THRB: variants seen among roughly 807,000 people sequenced by gnomAD.
THRB encodes thyroid hormone receptor beta.
THRB carries 12 observed loss-of-function variants against 47.8 expected under a neutral mutation model. That is an observed-to-expected ratio of 0.25 (90% confidence interval 0.16 to 0.41). The LOEUF is 0.41. Ranked by LOEUF, THRB falls within the 10% of genes least tolerant of loss-of-function variation. The pLI is 1.00. For synonymous variants in THRB, 218 were observed against 212.2 expected (o/e 1.03, Z -0.24); for missense variants, 348 against 589.2 (o/e 0.59, Z 4.24).
intron 2 of THRB, among the ~76,000 whole-genome samples, chr3:24,305,600 T>C (rs1559883223): frequency 1.3e-5 from 2 of 152,232 alleles, no homozygotes; most frequent in South Asian, 2.1e-4. Context: ...AGAAAAATTA[T>C]ATTTTCATTG....
chr3:24,390,946 G>A (rs999140693), intron 1 of THRB, among the ~76,000 whole-genome samples: 4 of 151,996 alleles, frequency 2.6e-5, no homozygotes, highest in Non-Finnish European at 4.4e-5. Flanking sequence ...GCAGATCTAA[G>A]GCAGCCCTGC....
intron 10 of THRB, among the ~76,000 whole-genome samples, chr3:24,127,165 A>G (rs551721104): frequency 6.6e-6 from 1 of 152,324 alleles, no homozygotes; most frequent in South Asian, 2.1e-4. Context: ...GGTCACTCAC[A>G]TCCATATCTG....
intron 3 of THRB, among the ~76,000 whole-genome samples, chr3:24,295,804 G>A (rs534995874): frequency 1.1e-4 from 16 of 152,266 alleles, no homozygotes; most frequent in Admixed American, 9.2e-4. Context: ...CAGCTGTCAG[G>A]TTCCCTATCT....
At chr3:24,302,235 T>G (rs2056994849) in intron 2 of THRB, among the ~76,000 whole-genome samples, 1 of 152,236 alleles carries the variant, frequency 6.6e-6, no homozygotes, top group Admixed American at 6.5e-5. Flanking sequence ...ACTGATCAAT[T>G]TGTTTACTCC....
chr3:24,441,862 G>A (rs540094528), intron 1 of THRB, among the ~76,000 whole-genome samples: 3 of 152,104 alleles, frequency 2.0e-5, no homozygotes, highest in South Asian at 2.1e-4. Context: ...AAAGACTTGA[G>A]CCCCTTCCCT....
intron 2 of THRB, among the ~76,000 whole-genome samples, chr3:24,320,070 C>G (rs1377933069): frequency 6.6e-6 from 1 of 152,170 alleles, no homozygotes; most frequent in African/African-American, 2.4e-5. Flanking sequence ...TACTTTCAGT[C>G]AAGTCATTGC....
intron 3 of THRB, among the ~76,000 whole-genome samples, chr3:24,280,161 G>T (rs931383097): frequency 2.6e-5 from 4 of 152,138 alleles, no homozygotes; most frequent in African/African-American, 9.7e-5. Flanking sequence ...CCTGAGCGAC[G>T]CAGAAGATGG....
At chr3:24,281,281 T>C (rs1395137084) in intron 3 of THRB, among the ~76,000 whole-genome samples, 1 of 151,800 alleles carries the variant, frequency 6.6e-6, no homozygotes, top group Non-Finnish European at 1.5e-5. Flanking sequence ...GGGGCCAATA[T>C]TCAACATTCT....
chr3:24,215,917 G>T (rs558490357), intron 4 of THRB, among the ~76,000 whole-genome samples: 6 of 152,282 alleles, frequency 3.9e-5, no homozygotes, highest in African/African-American at 1.4e-4. Context: ...GTCCATAAAT[G>T]ACCTTGACAA....
intron 1 of THRB, among the ~76,000 whole-genome samples, chr3:24,373,817 G>A (rs183529475): frequency 6.6e-6 from 1 of 152,020 alleles, no homozygotes; most frequent in Admixed American, 6.6e-5. Flanking sequence ...GCTAAGTCTT[G>A]GCCAATACCA....
intron 5 of THRB, among the ~76,000 whole-genome samples, chr3:24,184,598 A>G (rs1234126191): frequency 6.6e-6 from 1 of 151,966 alleles, no homozygotes; most frequent in African/African-American, 2.4e-5. Context: ...CTGCCCCAGT[A>G]TACGTATGGG....
chr3:24,469,141 C>T (rs1390514875), intron 1 of THRB, among the ~76,000 whole-genome samples: 1 of 152,162 alleles, frequency 6.6e-6, no homozygotes, highest in Non-Finnish European at 1.5e-5. Flanking sequence ...TCAGTAGACA[C>T]CCCAATTTAA....
At chr3:24,250,357 G>T (rs1235388516) in intron 3 of THRB, among the ~76,000 whole-genome samples, 1 of 152,086 alleles carries the variant, frequency 6.6e-6, no homozygotes, top group African/African-American at 2.4e-5. Context: ...TTATCAGGTA[G>T]AAAATAGATA....
chr3:24,269,114 T>C (rs757788778), intron 3 of THRB, among the ~76,000 whole-genome samples: 3 of 152,196 alleles, frequency 2.0e-5, no homozygotes, highest in Non-Finnish European at 2.9e-5. Flanking sequence ...TCAGTCATTT[T>C]CCCACAATTA....
chr3:24,125,949 G>C (rs565937373), intron 10 of THRB, among the ~76,000 whole-genome samples: 1 of 152,078 alleles, frequency 6.6e-6, no homozygotes, highest in Non-Finnish European at 1.5e-5. Flanking sequence ...CTGGAGTCTG[G>C]GTGCCACAGT....
chr3:24,441,006 T>G (rs2071473193), intron 1 of THRB, among the ~76,000 whole-genome samples: 1 of 152,218 alleles, frequency 6.6e-6, no homozygotes, highest in African/African-American at 2.4e-5. Flanking sequence ...TAGCTGAAGC[T>G]GCAAACTCAG....
At chr3:24,468,694 A>T (rs1034329180) in intron 1 of THRB, among the ~76,000 whole-genome samples, 1 of 152,184 alleles carries the variant, frequency 6.6e-6, no homozygotes, top group African/African-American at 2.4e-5. Flanking sequence ...TACTGCCCCA[A>T]AACAATGACA....
chr3:24,461,627 G>C (rs568362356), intron 1 of THRB, among the ~76,000 whole-genome samples: 13 of 152,240 alleles, frequency 8.5e-5, no homozygotes, highest in African/African-American at 3.1e-4. Context: ...AAAGTGATCT[G>C]ATTTTATTTG....
chr3:24,266,292 C>T lies in THRB; in HGVS notation c.-43+30934G>A, dbSNP rs6781446. ...AGAAAGGAGTGTAACGCCATATCCT[C>T]ATCTTAAAATGTTTTGGCTAAAGAG... On this transcript the variant is annotated intron_variant, in intron 3 of 10. Coordinates refer to ENST00000646209, the MANE Select transcript of THRB (RefSeq NM_001354712.2). 3.2e-3 allele frequency among the ~76,000 whole-genome samples: 494 copies of T among 152,262 alleles called. 3 individuals carry two copies. Among genetic ancestry groups the T allele is most frequent in the African/African-American group, 0.011 (473 of 41,552 alleles).
Sources: allele counts gnomAD v4.1 joint callset (sites outside exome capture counted in the v4.1 genomes callset), GRCh38; gene constraint gnomAD v4.1.1; transcripts MANE v1.5; gene names NCBI Gene and HGNC (gene_info 2026-07-23, HGNC 2026-07-21).